OPA1: variants seen among roughly 807,000 people sequenced by gnomAD.
The protein encoded by OPA1 is OPA1 mitochondrial dynamin like GTPase, also known as dynamin-like GTPase OPA1, mitochondrial.
Under a neutral mutation model 152.9 loss-of-function variants are expected in OPA1, and 59 were observed. The observed-to-expected ratio is 0.39, with a 90% CI of 0.31 to 0.48. The LOEUF (loss-of-function observed/expected upper bound fraction) is 0.48, where lower values mean the gene tolerates loss of function less well. OPA1 is among the 20% of genes least tolerant of loss of function. OPA1 has a pLI of 0.96. For synonymous variants in OPA1, 400 were observed against 389.9 expected (o/e 1.03, Z -0.31); for missense variants, 1,008 against 1,216.8 (o/e 0.83, Z 2.55).
intron 28 of OPA1, among the ~76,000 whole-genome samples, chr3:193,666,796 A>C (rs892847952): frequency 6.6e-6 from 1 of 152,182 alleles, no homozygotes; most frequent in Non-Finnish European, 1.5e-5. Flanking sequence ...TCTCTTTAAA[A>C]AAAAAAGACA....
Position 193,596,306 on chromosome 3 carries a change from T to TTTCCTTTCCTTTCC in OPA1, c.32+2899_32+2900insCCTTTCCTTTCCTT, listed in dbSNP as rs1725498335. Among the ~76,000 whole-genome samples, 92 of 105,384 alleles carry TTTCCTTTCCTTTCC rather than the reference T, an allele frequency of 8.7e-4. 1 individual carries two copies. Among genetic ancestry groups the TTTCCTTTCCTTTCC allele is most frequent in the Middle Eastern group, 4.5e-3 (1 of 222 alleles). 69.1% of individuals were successfully genotyped at this position (105,384 alleles called of 152,430 possible). ...ATTGGCCATCGCAACTTTTCTTTTC[T>TTTCCTTTCCTTTCC]TTTCCTTTCCTTTCCTTTCCTTTCC... On this transcript the variant is annotated intron_variant, in intron 1 of 30. Coordinates refer to ENST00000361510, the MANE Select transcript of OPA1 (RefSeq NM_130837.3).
intron 29 of OPA1, chr3:193,668,440 C>T (rs1013230322): frequency 3.9e-6 from 6 of 1,550,680 alleles, no homozygotes; most frequent in Non-Finnish European, 4.4e-6. Context: ...TGCTCTTCGT[C>T]ATGGAGTCCC....
intron 7 of OPA1, chr3:193,627,379 C>T (rs1358814999): frequency 6.6e-6 from 1 of 152,086 alleles, no homozygotes; most frequent in Non-Finnish European, 1.5e-5. Context: ...AAATTAAAGT[C>T]GATGTGTTAA....
Position 193,645,728 on chromosome 3 carries a change from G to T in OPA1, c.1682G>T (p.Gly561Val). ...LGYFAVVTGKGNSSESIEAIR... is the reference protein window; with the variant it reads ...LGYFAVVTGKVNSSESIEAIR... Reference sequence around the variant, plus strand: ...AAATTTGACCATCATTCTTCCCCAGGGAACAGCTCTGAAAGCATTGAAGCT... The same window carrying T: ...AAATTTGACCATCATTCTTCCCCAGTGAACAGCTCTGAAAGCATTGAAGCT... Residue 561 changes from glycine to valine, a missense_variant and splice_region_variant, in exon 18 of 31, where the codon GGG becomes GTG. Gly to Val is a moderately radical substitution (Grantham distance 109, BLOSUM62 -3). Around this residue, in one of 7 missense-constraint regions of OPA1, gnomAD observed 213 missense variants for 291.4 expected, o/e 0.73. Transcript: ENST00000361510. 1 of 1,613,390 alleles carries T rather than the reference G, an allele frequency of 6.2e-7. No individual in the cohort carries two copies. Among genetic ancestry groups the T allele is most frequent in the South Asian group, 1.1e-5 (1 of 91,020 alleles).
chr3:193,597,438 C>T (rs1027768839), intron 1 of OPA1, among the ~76,000 whole-genome samples: 1 of 152,156 alleles, frequency 6.6e-6, no homozygotes, highest in African/African-American at 2.4e-5. Context: ...CTCCTGTAAT[C>T]CCAGCACTTT....
chr3:193,598,246 G>A (rs540296143), intron 1 of OPA1, among the ~76,000 whole-genome samples: 1 of 152,294 alleles, frequency 6.6e-6, no homozygotes, highest in Middle Eastern at 3.4e-3. Flanking sequence ...GATTGGTGGA[G>A]ATACAGTAGG....
At chr3:193,624,883 A>AT (rs137999178) in intron 6 of OPA1, among the ~76,000 whole-genome samples, 2,187 of 152,246 alleles carry the variant, frequency 0.014, 51 homozygotes, top group African/African-American at 0.048. Flanking sequence ...TTGGGCAGTC[A>AT]TTTTTTAACT....
At chr3:193,689,074 A>G (rs1173614125) in intron 29 of OPA1, 3 of 152,192 alleles carry the variant, frequency 2.0e-5, no homozygotes, top group Non-Finnish European at 4.4e-5. Context: ...TTTAGCAATG[A>G]TACCTGCAAG....
chr3:193,670,455 G>A (rs913172254), intron 29 of OPA1, among the ~76,000 whole-genome samples: 10 of 149,726 alleles, frequency 6.7e-5, no homozygotes, highest in African/African-American at 1.5e-4. Context: ...GCACGATCTC[G>A]GCTCACTGCA....
rs749167363 is a variant in OPA1 at position 193,645,717 on chromosome 3, T to A, written c.1682-11T>A. 1 of 1,613,366 alleles carries A rather than the reference T, an allele frequency of 6.2e-7. No homozygotes were observed. The highest frequency in any genetic ancestry group is 8.5e-7 in the Non-Finnish European group (1 of 1,179,462). On this transcript the variant is annotated splice_polypyrimidine_tract_variant and intron_variant, in intron 17 of 30. Coordinates refer to ENST00000361510, the MANE Select transcript of OPA1 (RefSeq NM_130837.3). ...TTTCTTGATGAAAATTTGACCATCA[T>A]TCTTCCCCAGGGAACAGCTCTGAAA...
intron 1 of OPA1, among the ~76,000 whole-genome samples, chr3:193,593,683 C>T (rs1420157760): frequency 2.0e-5 from 3 of 152,178 alleles, no homozygotes; most frequent in African/African-American, 7.2e-5. Flanking sequence ...GTCCTTTTGT[C>T]TCTGCCCTTT....
chr3:193,623,186 G>A (rs1453668748), intron 6 of OPA1, among the ~76,000 whole-genome samples: 1 of 151,992 alleles, frequency 6.6e-6, no homozygotes, highest in Non-Finnish European at 1.5e-5. Flanking sequence ...AGGCAGCTCT[G>A]GCCTTTTTTT....
chr3:193,625,382 G>GTATA (rs1730922176), intron 6 of OPA1, among the ~76,000 whole-genome samples: 1 of 151,786 alleles, frequency 6.6e-6, no homozygotes, highest in Non-Finnish European at 1.5e-5. Context: ...TTAGTAATTT[G>GTATA]TATATGCTTG....
chr3:193,659,036 G>T (rs1430946339), intron 24 of OPA1, 41 bp downstream of exon 24: 1 of 1,322,630 alleles, frequency 7.6e-7, no homozygotes, highest in African/African-American at 1.4e-5. Context: ...AGTTCACAGT[G>T]GTGAAGGAGT....
chr3:193,660,673 G>A (rs1715050998), intron 25 of OPA1, among the ~76,000 whole-genome samples: 1 of 151,852 alleles, frequency 6.6e-6, no homozygotes, highest in South Asian at 2.1e-4. Flanking sequence ...TGAAGAGACA[G>A]TCTTCTTTTT....
At chr3:193,616,236 T>C (rs1266003375) in intron 3 of OPA1, among the ~76,000 whole-genome samples, 2 of 152,124 alleles carry the variant, frequency 1.3e-5, no homozygotes, top group African/African-American at 2.4e-5. Flanking sequence ...AGTCTCAAAT[T>C]CCTTAGCTCA....
intron 29 of OPA1, among the ~76,000 whole-genome samples, chr3:193,676,721 C>T (rs1020172970): frequency 1.3e-5 from 2 of 152,124 alleles, no homozygotes; most frequent in African/African-American, 2.4e-5. Context: ...TGGCTCACGC[C>T]TGTAATCCCA....
chr3:193,645,666 G>A, intron 17 of OPA1, 41 bp downstream of exon 17: 1 of 1,606,316 alleles, frequency 6.2e-7, no homozygotes, highest in Non-Finnish European at 8.5e-7. Flanking sequence ...TTTAGTTTCT[G>A]TTGTTTTCAA....
At chr3:193,628,137 C>T (rs1361683007) in intron 7 of OPA1, among the ~76,000 whole-genome samples, 1 of 152,038 alleles carries the variant, frequency 6.6e-6, no homozygotes, top group South Asian at 2.1e-4. Flanking sequence ...TTTATCATTC[C>T]AGGCATGTGA....
Sources: allele counts gnomAD v4.1 joint callset (sites outside exome capture counted in the v4.1 genomes callset), GRCh38; gene constraint gnomAD v4.1.1; regional missense constraint gnomAD v4.1.1; transcripts MANE v1.5; gene names NCBI Gene and HGNC (gene_info 2026-07-23, HGNC 2026-07-21).